The following GRM8 variants were observed in gnomAD, a reference collection of about 807,000 sequenced individuals.
GRM8 encodes the protein glutamate metabotropic receptor 8.
Under a neutral mutation model 87.2 loss-of-function variants are expected in GRM8, and 47 were observed. The ratio of observed to expected loss-of-function variants is 0.54; its 90% CI spans 0.43 to 0.69. The LOEUF is 0.69. Ranked by LOEUF, GRM8 falls within the 30% of genes least tolerant of loss-of-function variation. The probability of loss-of-function intolerance (pLI) is 0.00; values close to 1 mark genes in which losing one functional copy is unlikely to be tolerated. For missense variants in GRM8, 1,019 were observed against 1,139.2 expected (o/e 0.89, Z 1.52); for synonymous variants, 396 against 404.5 (o/e 0.98, Z 0.25).
At chr7:126,521,192 TG>T (rs1362230850) in intron 9 of GRM8, among the ~76,000 whole-genome samples, 20 of 152,138 alleles carry the variant, frequency 1.3e-4, no homozygotes, top group Admixed American at 1.3e-3. Context: ...AGTACATACG[TG>T]TGTGTAATTT....
intron 3 of GRM8, among the ~76,000 whole-genome samples, chr7:127,070,136 T>C (rs1821529996): frequency 6.6e-6 from 1 of 152,188 alleles, no homozygotes; most frequent in Non-Finnish European, 1.5e-5. Flanking sequence ...AAAAATACCA[T>C]TCACTAAAAT....
At chr7:126,468,407 T>C (rs376180813) in intron 9 of GRM8, among the ~76,000 whole-genome samples, 3 of 152,016 alleles carry the variant, frequency 2.0e-5, no homozygotes, top group East Asian at 3.9e-4. Flanking sequence ...TTTTCTCTCA[T>C]TTGTCTTAAG....
intron 2 of GRM8, among the ~76,000 whole-genome samples, chr7:127,141,441 A>G (rs950413770): frequency 2.6e-5 from 4 of 152,168 alleles, no homozygotes; most frequent in Non-Finnish European, 1.5e-5. Context: ...AATCCAAAAA[A>G]TTGTTGAGGA....
chr7:126,588,279 C>T (rs1019461440), intron 8 of GRM8, among the ~76,000 whole-genome samples: 11 of 151,512 alleles, frequency 7.3e-5, no homozygotes, highest in African/African-American at 1.9e-4. Context: ...GGTTCTAGTG[C>T]CATAGACAGT....
chr7:126,479,628 T>A (rs1239122699), intron 9 of GRM8, among the ~76,000 whole-genome samples: 1 of 152,056 alleles, frequency 6.6e-6, no homozygotes, highest in Non-Finnish European at 1.5e-5. Context: ...AGTCAGCTGA[T>A]GTTTATTTGG....
chr7:127,111,331 C>T (rs978629270), intron 2 of GRM8: 6 of 152,270 alleles, frequency 3.9e-5, no homozygotes, highest in Middle Eastern at 3.4e-3. Context: ...AATTCATTTA[C>T]ATATATTATT....
intron 3 of GRM8, among the ~76,000 whole-genome samples, chr7:127,083,114 C>T (rs1350500419): frequency 6.6e-6 from 1 of 152,154 alleles, no homozygotes; most frequent in African/African-American, 2.4e-5. Flanking sequence ...GATAAGTTGA[C>T]ACATAAAATC....
chr7:126,774,194 A>C (rs1437722566), intron 6 of GRM8, among the ~76,000 whole-genome samples: 1 of 152,148 alleles, frequency 6.6e-6, no homozygotes, highest in Non-Finnish European at 1.5e-5. Context: ...GGCTGTTTAG[A>C]CAATGTATTT....
chr7:126,626,426 T>C (rs79076764), intron 7 of GRM8, among the ~76,000 whole-genome samples: 1,984 of 152,276 alleles, frequency 0.013, 23 homozygotes, highest in Non-Finnish European at 0.018. Context: ...GGATATGAGG[T>C]AGAAATACAA....
chr7:126,739,021 C>A (rs888473970), intron 7 of GRM8, among the ~76,000 whole-genome samples: 2 of 151,690 alleles, frequency 1.3e-5, no homozygotes, highest in African/African-American at 4.8e-5. Flanking sequence ...AATATTGGTA[C>A]AGGGAGGAAG....
chr7:127,037,122 A>AT (rs1817918527), intron 3 of GRM8, among the ~76,000 whole-genome samples: 1 of 152,150 alleles, frequency 6.6e-6, no homozygotes, highest in South Asian at 2.1e-4. Flanking sequence ...TAAGAAAATC[A>AT]TTTTACATGA....
intron 3 of GRM8, among the ~76,000 whole-genome samples, chr7:126,957,814 G>T (rs1171518699): frequency 1.3e-5 from 2 of 152,186 alleles, no homozygotes. Flanking sequence ...AGCAGAAAGG[G>T]GTGGATCCTC....
chr7:126,544,605 G>A (rs1294381920), intron 8 of GRM8, among the ~76,000 whole-genome samples: 1 of 152,028 alleles, frequency 6.6e-6, no homozygotes, highest in Non-Finnish European at 1.5e-5. Flanking sequence ...CCGCCTCCCG[G>A]GTTCAGACGA....
chr7:127,033,693 A>G (rs1817596498), intron 3 of GRM8, among the ~76,000 whole-genome samples: 2 of 152,148 alleles, frequency 1.3e-5, no homozygotes, highest in African/African-American at 2.4e-5. Flanking sequence ...AGAACACTAT[A>G]TACACTTCTC....
chr7:126,931,684 G>C (rs1286609235), intron 3 of GRM8, among the ~76,000 whole-genome samples: 1 of 152,006 alleles, frequency 6.6e-6, no homozygotes. Flanking sequence ...CTAGTTTGAA[G>C]TTGTAAAAAA....
chr7:126,906,653 A>T (rs1802707652), intron 3 of GRM8, among the ~76,000 whole-genome samples: 1 of 152,232 alleles, frequency 6.6e-6, no homozygotes. Context: ...GCCAAATGAC[A>T]GATTTCCAGG....
chr7:126,441,450 T>C (rs1185350904), intron 10 of GRM8, among the ~76,000 whole-genome samples: 3 of 152,160 alleles, frequency 2.0e-5, no homozygotes, highest in East Asian at 3.9e-4. Flanking sequence ...ATAATTCCTT[T>C]GTATTGTTGA....
intron 7 of GRM8, among the ~76,000 whole-genome samples, chr7:126,705,538 G>A (rs1050552710): frequency 3.9e-5 from 6 of 152,078 alleles, no homozygotes; most frequent in East Asian, 1.9e-4. Flanking sequence ...ATCTGTGTAC[G>A]TGTGTGTACA....
At chr7:126,501,938 A>C (rs1173149769) in intron 9 of GRM8, among the ~76,000 whole-genome samples, 4 of 151,988 alleles carry the variant, frequency 2.6e-5, no homozygotes, top group African/African-American at 9.7e-5. Context: ...TGGTAGATAC[A>C]GGTGCTCATA....
Sources: gnomAD v4.1 joint callset for allele counts (sites outside exome capture counted in the v4.1 genomes callset) on GRCh38, gnomAD v4.1.1 for gene constraint, MANE v1.5 for transcripts, NCBI Gene and HGNC (gene_info 2026-07-23, HGNC 2026-07-21) for gene names.